Variants in PLXNB2 observed in about 807,000 individuals in gnomAD.
The protein encoded by PLXNB2 is plexin-B2.
Under a neutral mutation model 202.6 loss-of-function variants are expected in PLXNB2, and 85 were observed. That is an observed-to-expected ratio of 0.42 (90% CI 0.35 to 0.50). The LOEUF (loss-of-function observed/expected upper bound fraction) is 0.50, where lower values mean the gene tolerates loss of function less well. Ranked by LOEUF, PLXNB2 falls within the 20% of genes least tolerant of loss-of-function variation. The probability of loss-of-function intolerance (pLI) is 0.02; values close to 1 mark genes in which losing one functional copy is unlikely to be tolerated. For synonymous variants in PLXNB2, 1,239 were observed against 1,137.6 expected, an observed-to-expected ratio of 1.09 and a Z score of -1.79; for missense variants, 2,063 against 2,586.2, an observed-to-expected ratio of 0.80 and a Z score of 4.39.
Position 50,280,981 on chromosome 22 carries a change from G to A in PLXNB2, c.3764-8C>T, listed in dbSNP as rs757055170. 6.8e-6 allele frequency: 11 copies of A among 1,612,028 alleles called. No individual in the cohort carries two copies. The highest frequency in any genetic ancestry group is 6.6e-5 in the South Asian group (6 of 91,066). ...CCATCTCGATCATCAGGTCTGGGGG[G>A]AGGCTGGCGTGAGACGTCCCTGGCC... On this transcript the variant is annotated splice_polypyrimidine_tract_variant and splice_region_variant and intron_variant, in intron 23 of 36. Coordinates refer to ENST00000359337, the MANE Select transcript of PLXNB2 (RefSeq NM_012401.4).
intron 14 of PLXNB2, 35 bp from the exon 15 acceptor site, chr22:50,283,785 T>A (rs866085340): frequency 4.3e-6 from 7 of 1,612,606 alleles, no homozygotes; most frequent in Middle Eastern, 3.3e-4. Context: ...AGGGAGGGGC[T>A]CATGCCAGGG....
At position 50,297,472 on chromosome 22, in the gene PLXNB2, GA is replaced by G. The variant is rs1361627354; in HGVS notation, c.-73-2695del. Among the ~76,000 whole-genome samples, 1 of 152,138 alleles carries G rather than the reference GA, an allele frequency of 6.6e-6. No individual in the cohort carries two copies. Among genetic ancestry groups the G allele is most frequent in the Non-Finnish European group, 1.5e-5 (1 of 68,012 alleles). ...GCCCTCACCGTGGAGAACGGCCATG[GA>G]TTTCCCCTCCCAGAGAATAACACCA... On this transcript the variant is annotated intron_variant, in intron 1 of 36. Transcript: ENST00000359337. This position sits in a 1 kb window ranked among gnomAD's most constrained non-coding sequence, Gnocchi z 5.3.
In PLXNB2 at chr22:50,297,188, C is replaced by T. The variant is rs372329630; in HGVS notation, c.-73-2410G>A. On this transcript the variant is annotated intron_variant, in intron 1 of 36. Transcript: ENST00000359337. This position sits in a 1 kb window ranked among gnomAD's most constrained non-coding sequence, Gnocchi z 5.3. ...TGGCGGTGGCACGGTACCCCCAGAC[C>T]TGCCATCTTGAAGGGACGCCACACC... Among the ~76,000 whole-genome samples, 3 of 152,172 alleles carry T rather than the reference C, an allele frequency of 2.0e-5. No individual in the cohort carries two copies. The South Asian group carries it at 6.2e-4, about 32-fold the overall frequency.
In PLXNB2 at chr22:50,290,136, C is replaced by T. The variant is rs368559599; in HGVS notation, c.449G>A (p.Gly150Asp). 58 of 1,612,894 alleles carry T rather than the reference C, an allele frequency of 3.6e-5. No individual in the cohort carries two copies. The highest frequency in any genetic ancestry group is 4.7e-5 in the Non-Finnish European group (56 of 1,179,992). ...EKSFVASNDE[G>D]VATVGLVSST... ...GCTCACCAGCCCCACTGTGGCCACG[C>T]CCTCATCATTGCTGGCCACGAAAGA... Residue 150 changes from glycine to aspartate, a missense_variant, in exon 3 of 37, where the codon GGC becomes GAC. Physicochemically the swap from Gly to Asp is moderately conservative, Grantham distance 94. Transcript: ENST00000359337.
intron 11 of PLXNB2, among the ~76,000 whole-genome samples, chr22:50,285,095 C>G (rs957283927): frequency 6.6e-6 from 1 of 152,126 alleles, no homozygotes; most frequent in African/African-American, 2.4e-5. Context: ...CCCTCTACCT[C>G]ATGTGGGGGC....
At position 50,281,566 on chromosome 22, in the gene PLXNB2, A is replaced by G. The variant is rs2065994435; in HGVS notation, c.3522T>C (p.Ile1174=). Residue 1174 remains isoleucine (I), a splice_region_variant and synonymous_variant, in exon 21 of 37, where the codon ATT becomes ATC. Transcript: ENST00000359337. The stretch of plus-strand genomic sequence containing the variant: ...CCCCCGCCAGTCCCCGCTCACGCAC[A>G]ATGAACTCGGGCAGGTTGTGTGTGG... ...RDTTHNLPEF[I]VKFGSREWVL... The G allele has an allele frequency of 3.1e-6, 5 of 1,610,698 alleles. No individual in the cohort carries two copies. Among genetic ancestry groups the G allele is most frequent in the Non-Finnish European group, 4.2e-6 (5 of 1,178,612 alleles).
At position 50,304,165 on chromosome 22, in the gene PLXNB2, C is replaced by T. The variant is rs2067803633; in HGVS notation, c.-74+3388G>A. On this transcript the variant is annotated intron_variant, in intron 1 of 36. Transcript: ENST00000359337. ...CCCCAGCTCCACAGCCAGGCCAGCC[C>T]CAGGCTCCTCCCCAGACAGACATCC... Among the ~76,000 whole-genome samples, 3 of 152,190 alleles carry T rather than the reference C, an allele frequency of 2.0e-5. No individual in the cohort carries two copies. The South Asian group carries it at 6.2e-4, about 31-fold the overall frequency.
intron 1 of PLXNB2, chr22:50,301,289 C>T: frequency 1.8e-6 from 1 of 567,294 alleles, no homozygotes; most frequent in Non-Finnish European, 2.2e-6. Flanking sequence ...AGCTGCAGCC[C>T]CCTCTTGCTA....
chr22:50,289,110 C>T lies in PLXNB2; in HGVS notation c.1101G>A (p.Glu367=). 9 of 1,584,824 alleles carry T rather than the reference C, an allele frequency of 5.7e-6. No homozygotes were observed. Among genetic ancestry groups the T allele is most frequent in the Non-Finnish European group, 6.9e-6 (8 of 1,165,922 alleles). ...GGCTGCCCAGCGGGTAGGGCAGGTG[C>T]TCCGAGCCACATGGGAAGCTCTTGC... The part of the protein sequence containing the change: ...GSSKSFPCGS[E]HLPYPLGSRD... The change falls in exon 4 of 37, where the codon GAG becomes GAA. Residue 367 remains glutamate (E), a synonymous_variant. Transcript: ENST00000359337. This position sits in a 1 kb window ranked among gnomAD's most constrained non-coding sequence, Gnocchi z 8.0.
In PLXNB2 at chr22:50,284,253, A is replaced by C; in HGVS notation, c.2182-40T>G. 1 of 1,565,004 alleles carries C rather than the reference A, an allele frequency of 6.4e-7. No homozygotes were observed. The highest frequency in any genetic ancestry group is 8.8e-7 in the Non-Finnish European group (1 of 1,136,864). ...GGGGCACACTGCACTTCCTGCCCCC[A>C]CAGAGGGGCGTGGGGCGGGGGTCAC... On this transcript the variant is annotated intron_variant, in intron 12 of 36. Coordinates refer to ENST00000359337, the MANE Select transcript of PLXNB2 (RefSeq NM_012401.4). This position sits in a 1 kb window ranked among gnomAD's most constrained non-coding sequence, Gnocchi z 8.0.
intron 22 of PLXNB2, 70 bp downstream of exon 22, chr22:50,281,290 T>A (rs2065969714): frequency 1.3e-6 from 2 of 1,588,790 alleles, no homozygotes; most frequent in South Asian, 1.1e-5. Context: ...GGGCGGCGGA[T>A]GAGGCCAGAG....
At position 50,277,847 on chromosome 22, in the gene PLXNB2, C is replaced by A; in HGVS notation, c.5048+6G>T. 6.2e-7 allele frequency: 1 copy of A among 1,612,376 alleles called. No individual in the cohort carries two copies. Among genetic ancestry groups the A allele is most frequent in the Non-Finnish European group, 8.5e-7 (1 of 1,179,486 alleles). On this transcript the variant is annotated splice_donor_region_variant and intron_variant, in intron 32 of 36. Coordinates refer to ENST00000359337, the MANE Select transcript of PLXNB2 (RefSeq NM_012401.4). ...GCTGGGCCGCGGGGTGGGTGTGGAG[C>A]CTCACCTGTTCGTCTTCCAGATGTG...
intron 1 of PLXNB2, among the ~76,000 whole-genome samples, chr22:50,299,054 C>A (rs1330471584): frequency 6.6e-6 from 1 of 152,370 alleles, no homozygotes; most frequent in East Asian, 1.9e-4. Flanking sequence ...GCTGTGGGCT[C>A]TGGCACGGGA....
At chr22:50,303,466 A>T (rs926800900) in intron 1 of PLXNB2, among the ~76,000 whole-genome samples, 5 of 152,144 alleles carry the variant, frequency 3.3e-5, no homozygotes, top group Non-Finnish European at 5.9e-5. Flanking sequence ...CCCAGACCAC[A>T]ACAGAAGGTC....
At position 50,276,132 on chromosome 22, in the gene PLXNB2, A is replaced by C. The variant is rs1223720256; in HGVS notation, c.5338-169T>G. 7.2e-5 allele frequency among the ~76,000 whole-genome samples: 11 copies of C among 152,226 alleles called. No individual in the cohort carries two copies. The East Asian group carries it at 1.5e-3, about 21-fold the overall frequency. On this transcript the variant is annotated intron_variant, in intron 35 of 36. Coordinates refer to ENST00000359337, the MANE Select transcript of PLXNB2 (RefSeq NM_012401.4). ...GTGGCACAGCCTCAGACAGACACCC[A>C]CGCAGGCAGAGTTGTGCACATCCAA... is the stretch of plus-strand genomic sequence containing the variant.
intron 27 of PLXNB2, 91 bp from the exon 28 acceptor site, chr22:50,279,102 AC>A: frequency 7.2e-7 from 1 of 1,384,364 alleles, no homozygotes; most frequent in Non-Finnish European, 9.7e-7. Flanking sequence ...AGCTTTGCCC[AC>A]CACAGCGGCA....
chr22:50,288,955 C>T lies in PLXNB2; in HGVS notation c.1251+5G>A, dbSNP rs2147515613. On this transcript the variant is annotated splice_donor_5th_base_variant and intron_variant, in intron 4 of 36. Coordinates refer to ENST00000359337, the MANE Select transcript of PLXNB2 (RefSeq NM_012401.4). The surrounding 1 kb of genome is among the most constrained non-coding windows in gnomAD (Gnocchi z 5.0). ...AGAGCCTCCCCGCCCCAGCCTGGGC[C>T]AAACCTTGAGGATCCGGCCATCAGA... 1.2e-6 allele frequency: 2 copies of T among 1,607,092 alleles called. No homozygotes were observed. The highest frequency in any genetic ancestry group is 8.5e-7 in the Non-Finnish European group (1 of 1,175,276).
chr22:50,306,681 C>CACCCTCACCCT (rs2067893832), intron 1 of PLXNB2, among the ~76,000 whole-genome samples: 1 of 145,422 alleles, frequency 6.9e-6, no homozygotes, highest in Admixed American at 6.8e-5. Flanking sequence ...GGTTTGGGGC[C>CACCCTCACCCT]CACCCTCACC....
At chr22:50,279,148 G>A (rs758645946) in intron 27 of PLXNB2, 137 bp from the exon 28 acceptor site, 106 of 853,252 alleles carry the variant, frequency 1.2e-4, no homozygotes, top group South Asian at 6.9e-4. Flanking sequence ...GCCCGGCTCC[G>A]AGCCCCCGAG....
Sources: allele counts gnomAD v4.1 joint callset (sites outside exome capture counted in the v4.1 genomes callset), GRCh38; gene constraint gnomAD v4.1.1; non-coding constraint Gnocchi (gnomAD v3.1); transcripts MANE v1.5; gene names NCBI Gene and HGNC (gene_info 2026-07-23, HGNC 2026-07-21).